Variants in PRIM2 observed in about 807,000 individuals in gnomAD.
PRIM2 encodes the protein DNA primase large subunit.
PRIM2 carries 39 observed loss-of-function variants against 67.3 expected under a neutral mutation model. That is an observed-to-expected ratio of 0.58 (90% CI 0.45 to 0.76). PRIM2 has a LOEUF of 0.76. Among genes scored for constraint, PRIM2 ranks in the 30% least tolerant of loss-of-function variants. PRIM2 has a pLI of 0.00. For missense variants in PRIM2, 398 were observed against 598.7 expected (o/e 0.66, Z 3.50); for synonymous variants, 143 against 198.7 (o/e 0.72, Z 2.36).
intron 12 of PRIM2, among the ~76,000 whole-genome samples, chr6:57,628,603 C>T (rs1776993991): frequency 6.6e-6 from 1 of 152,176 alleles, no homozygotes; most frequent in African/African-American, 2.4e-5. Flanking sequence ...AAGTAGTGAA[C>T]ATAGTACCTG....
chr6:57,627,207 G>A (rs1776962590), intron 12 of PRIM2, among the ~76,000 whole-genome samples: 1 of 138,922 alleles, frequency 7.2e-6, no homozygotes, highest in African/African-American at 2.7e-5. Context: ...TTGAACCCGG[G>A]AGGTGGAGGT....
At chr6:57,591,670 A>G (rs1331149876) in intron 10 of PRIM2, among the ~76,000 whole-genome samples, 2 of 152,306 alleles carry the variant, frequency 1.3e-5, no homozygotes, top group East Asian at 3.9e-4. Flanking sequence ...CAAAAAATTA[A>G]TGGGTGATGG....
chr6:57,370,846 G>A (rs1474734139), intron 5 of PRIM2, among the ~76,000 whole-genome samples: 3 of 151,748 alleles, frequency 2.0e-5, no homozygotes, highest in Non-Finnish European at 4.4e-5. Flanking sequence ...TTACAGCGTG[G>A]GCCACCATGC....
chr6:57,306,664 C>T, the PRIM2 span, among the ~76,000 whole-genome samples: 1 of 152,098 alleles, frequency 6.6e-6, no homozygotes, highest in African/African-American at 2.4e-5. Context: ...CGTCCTGAAA[C>T]CTCAGCCTCT....
chr6:57,423,124 G>T (rs1771517229), intron 7 of PRIM2, among the ~76,000 whole-genome samples: 1 of 151,964 alleles, frequency 6.6e-6, no homozygotes, highest in South Asian at 2.1e-4. Flanking sequence ...TTTTCACTTT[G>T]CAGTTGACTT....
chr6:57,323,349 A>C (rs1767724872), intron 3 of PRIM2, among the ~76,000 whole-genome samples: 1 of 152,122 alleles, frequency 6.6e-6, no homozygotes. Context: ...AAATGGTTGA[A>C]ATTAAAGAAG....
chr6:57,275,284 G>C, the PRIM2 span, among the ~76,000 whole-genome samples: 2 of 152,160 alleles, frequency 1.3e-5, no homozygotes, highest in African/African-American at 4.8e-5. Flanking sequence ...GCCAAGGTGG[G>C]TGAATCAAAT....
At chr6:57,448,539 A>T (rs534790137) in intron 7 of PRIM2, among the ~76,000 whole-genome samples, 1 of 152,244 alleles carries the variant, frequency 6.6e-6, no homozygotes, top group East Asian at 1.9e-4. Context: ...GAGTTTTTAC[A>T]TTTTAGGGAG....
At chr6:57,294,909 C>T in the PRIM2 span, among the ~76,000 whole-genome samples, 1 of 151,640 alleles carries the variant, frequency 6.6e-6, no homozygotes, top group African/African-American at 2.4e-5. Context: ...TCCCGGATTT[C>T]AAGCAGTTCT....
At chr6:57,228,711 T>C in the PRIM2 span, among the ~76,000 whole-genome samples, 1 of 152,238 alleles carries the variant, frequency 6.6e-6, no homozygotes. Flanking sequence ...AGAATCCCTA[T>C]ATTTGAATTC....
intron 7 of PRIM2, among the ~76,000 whole-genome samples, chr6:57,423,614 G>C (rs1771529717): frequency 6.6e-6 from 1 of 152,142 alleles, no homozygotes; most frequent in African/African-American, 2.4e-5. Context: ...GTTAAAGATC[G>C]GAGACTAAGA....
rs1465873213 is a variant in PRIM2, at chr6:57,640,026, G to C, written c.1300-5902G>C. ...ACTGAATCCAGCAGCACATCAAAAAGCTTATCTACCATGATCAAGTCAGCT... is the reference window on the plus strand; with the variant it reads ...ACTGAATCCAGCAGCACATCAAAAACCTTATCTACCATGATCAAGTCAGCT... On this transcript the variant is annotated intron_variant, in intron 13 of 13. Coordinates refer to ENST00000615550, the MANE Select transcript of PRIM2 (RefSeq NM_000947.5). Among the ~76,000 whole-genome samples, 4 of 152,104 alleles carry C rather than the reference G, an allele frequency of 2.6e-5. 1 individual carries two copies. The highest frequency in any genetic ancestry group is 9.7e-5 in the African/African-American group (4 of 41,420).
chr6:57,616,694 G>A (rs1217156013), intron 12 of PRIM2, among the ~76,000 whole-genome samples: 3 of 151,804 alleles, frequency 2.0e-5, no homozygotes, highest in South Asian at 2.1e-4. Context: ...ATTTTAAAAT[G>A]TACAATTCAG....
intron 10 of PRIM2, among the ~76,000 whole-genome samples, chr6:57,542,778 A>G (rs1215248466): frequency 6.6e-5 from 10 of 151,702 alleles, no homozygotes; most frequent in African/African-American, 2.2e-4. Context: ...TTTCTCAGCT[A>G]TATCGTTTAC....
intron 5 of PRIM2, among the ~76,000 whole-genome samples, chr6:57,331,116 A>T (rs1204848770): frequency 6.8e-6 from 1 of 148,006 alleles, no homozygotes; most frequent in Non-Finnish European, 1.5e-5. Flanking sequence ...TGAACCCGGG[A>T]GGTGGATGTT....
In PRIM2 at chr6:57,366,917, A is replaced by C. The variant is rs566441006; in HGVS notation, c.460-12984A>C. ...AGATAGCAAGGAGGTAGAGGTCTTG[A>C]TTAAATTACCTATTTTTTTTCAAAA... On this transcript the variant is annotated intron_variant, in intron 5 of 13. Coordinates refer to ENST00000615550, the MANE Select transcript of PRIM2 (RefSeq NM_000947.5). Among the ~76,000 whole-genome samples the C allele has an allele frequency of 3.5e-4, 54 of 152,348 alleles. 1 individual carries two copies. The highest frequency in any genetic ancestry group is 3.3e-3 in the Admixed American group (50 of 15,304).
intron 7 of PRIM2, among the ~76,000 whole-genome samples, chr6:57,409,673 TATG>T (rs559761976): frequency 2.6e-5 from 4 of 152,254 alleles, no homozygotes; most frequent in African/African-American, 9.6e-5. Flanking sequence ...CTAATGGATG[TATG>T]ATGATATCTC....
the PRIM2 span, among the ~76,000 whole-genome samples, chr6:57,246,033 TATCC>T: frequency 5.3e-5 from 8 of 152,380 alleles, no homozygotes; most frequent in Admixed American, 2.0e-4. Flanking sequence ...CATGCATCTC[TATCC>T]ATCCATTTAT....
intron 5 of PRIM2, among the ~76,000 whole-genome samples, chr6:57,328,602 A>G (rs945572224): frequency 6.6e-6 from 1 of 152,252 alleles, no homozygotes. Flanking sequence ...TATTTTGGCT[A>G]TTATGAATAA....
Sources: allele counts gnomAD v4.1 joint callset (sites outside exome capture counted in the v4.1 genomes callset), GRCh38; gene constraint gnomAD v4.1.1; transcripts MANE v1.5; gene names NCBI Gene and HGNC (gene_info 2026-07-23, HGNC 2026-07-21).